CCDC146: variants seen among roughly 807,000 people sequenced by gnomAD.
The protein encoded by CCDC146 is coiled-coil domain containing 146.
Under a neutral mutation model 119.3 loss-of-function variants are expected in CCDC146, and 92 were observed. The observed-to-expected ratio is 0.77, with a 90% CI of 0.65 to 0.92. The LOEUF is 0.92. CCDC146 is among the 40% of genes least tolerant of loss of function. The pLI, the probability that CCDC146 is intolerant of heterozygous loss-of-function variation, is 0.00. For missense variants in CCDC146, 1,000 were observed against 1,103.0 expected (o/e 0.91, Z 1.32); for synonymous variants, 372 against 371.8 (o/e 1.00, Z -0.01).
intron 2 of CCDC146, among the ~76,000 whole-genome samples, chr7:77,202,408 C>G (rs751863170): frequency 2.0e-5 from 3 of 152,198 alleles, no homozygotes; most frequent in African/African-American, 7.2e-5. Flanking sequence ...CAGAAATGTG[C>G]GTGTCAAGCA....
intron 1 of CCDC146, among the ~76,000 whole-genome samples, chr7:77,137,349 T>C (rs1438048689): frequency 6.8e-6 from 1 of 146,356 alleles, no homozygotes; most frequent in African/African-American, 2.5e-5. Context: ...GATTGTCATG[T>C]AGAAAAAGAA....
chr7:77,292,276 A>G (rs1478148912), intron 17 of CCDC146, among the ~76,000 whole-genome samples: 1 of 150,814 alleles, frequency 6.6e-6, no homozygotes, highest in Non-Finnish European at 1.5e-5. Flanking sequence ...TGTGAGCAAC[A>G]GAACAAGACC....
chr7:77,263,333 A>T (rs1376158686), intron 9 of CCDC146, among the ~76,000 whole-genome samples: 2 of 152,218 alleles, frequency 1.3e-5, no homozygotes, highest in East Asian at 3.9e-4. Context: ...CTCCTGTGGT[A>T]ATTGTGGAAG....
At chr7:77,263,431 G>A (rs1285522244) in intron 9 of CCDC146, among the ~76,000 whole-genome samples, 2 of 152,144 alleles carry the variant, frequency 1.3e-5, no homozygotes, top group African/African-American at 4.8e-5. Context: ...ATTGCCCACC[G>A]GCTTTGTAGG....
intron 2 of CCDC146, among the ~76,000 whole-genome samples, chr7:77,236,185 G>A (rs547406090): frequency 7.6e-4 from 115 of 152,236 alleles, no homozygotes; most frequent in African/African-American, 2.7e-3. Flanking sequence ...TAATACAAAT[G>A]CTCATTGCAT....
intron 18 of CCDC146, 98 bp downstream of exon 18, chr7:77,293,298 A>C: frequency 8.0e-7 from 1 of 1,252,102 alleles, no homozygotes; most frequent in Non-Finnish European, 1.1e-6. Context: ...AAATTTCCCC[A>C]CTCTACCACA....
chr7:77,293,169 T>G lies in CCDC146; in HGVS notation c.2633T>G (p.Met878Arg), dbSNP rs780741373. The G allele has an allele frequency of 2.5e-6, 4 of 1,613,984 alleles. No homozygotes were observed. The highest frequency in any genetic ancestry group is 2.2e-5 in the East Asian group (1 of 44,900). The change falls in exon 18 of 19, where the codon ATG (methionine) becomes AGG (arginine). Residue 878 changes from methionine (M) to arginine (R), a missense_variant. By Grantham distance (91) the Met-to-Arg change is moderately conservative. Transcript: ENST00000285871. ...EWLKVLRDEE[M>R]HALAIAEKSQ... Reference sequence around the variant, plus strand: ...TTGAAAGTCCTTCGAGATGAAGAAATGCACGCCTTGGCCATCGCTGAAAAG... The same window carrying G: ...TTGAAAGTCCTTCGAGATGAAGAAAGGCACGCCTTGGCCATCGCTGAAAAG...
At chr7:77,199,624 TA>T (rs769116960) in intron 2 of CCDC146, 2 of 1,613,846 alleles carry the variant, frequency 1.2e-6, no homozygotes, top group African/African-American at 2.7e-5. Context: ...GCTTACCTGG[TA>T]GGGGCACTCC....
chr7:77,266,820 G>A (rs1411912192), intron 9 of CCDC146, among the ~76,000 whole-genome samples: 1 of 152,038 alleles, frequency 6.6e-6, no homozygotes, highest in Non-Finnish European at 1.5e-5. Context: ...ACACATTCAT[G>A]TGTCACTCAC....
chr7:77,273,024 T>C (rs1277985363), intron 9 of CCDC146, among the ~76,000 whole-genome samples: 3 of 152,240 alleles, frequency 2.0e-5, no homozygotes, highest in African/African-American at 7.2e-5. Flanking sequence ...TCACATTTTA[T>C]AATAACTATA....
At chr7:77,252,555 T>C (rs1387493727) in intron 4 of CCDC146, among the ~76,000 whole-genome samples, 1 of 152,196 alleles carries the variant, frequency 6.6e-6, no homozygotes, top group Non-Finnish European at 1.5e-5. Flanking sequence ...GAGTTTTAAT[T>C]TGATGGGCCT....
At chr7:77,243,599 T>G (rs951623881) in intron 4 of CCDC146, among the ~76,000 whole-genome samples, 1 of 152,210 alleles carries the variant, frequency 6.6e-6, no homozygotes, top group Non-Finnish European at 1.5e-5. Context: ...AACATTATAA[T>G]GAAGCTGAAA....
chr7:77,263,333 A>G (rs1376158686), intron 9 of CCDC146, among the ~76,000 whole-genome samples: 1 of 152,100 alleles, frequency 6.6e-6, no homozygotes, highest in Non-Finnish European at 1.5e-5. Flanking sequence ...CTCCTGTGGT[A>G]ATTGTGGAAG....
At position 77,256,463 on chromosome 7, in the gene CCDC146, A is replaced by T. The variant is rs767393095; in HGVS notation, c.638A>T (p.Glu213Val). Residue 213 changes from glutamate (E) to valine (V), a missense_variant, in exon 6 of 19, where the codon GAG becomes GTG. Around this residue, in one of 2 missense-constraint regions of CCDC146, gnomAD observed 985 missense variants for 1,045.3 expected, o/e 0.94. Transcript: ENST00000285871. Reference sequence around the variant, plus strand: ...TCTAAACAAAAGCAATTATTAAAAGAGCAGAAGGAACTAGAAGAATTGTTG... The same window carrying T: ...TCTAAACAAAAGCAATTATTAAAAGTGCAGAAGGAACTAGAAGAATTGTTG... ...LASKQKQLLK[E>V]QKELEELLGH... 1.0e-5 allele frequency: 16 copies of T among 1,607,214 alleles called. No individual in the cohort carries two copies. The highest frequency in any genetic ancestry group is 1.4e-5 in the Non-Finnish European group (16 of 1,178,318).
At chr7:77,175,856 T>C (rs542760398) in intron 2 of CCDC146, among the ~76,000 whole-genome samples, 1 of 151,330 alleles carries the variant, frequency 6.6e-6, no homozygotes, top group South Asian at 2.1e-4. Flanking sequence ...ACCATGAGAA[T>C]TTATGGACAT....
At position 77,287,545 on chromosome 7, in the gene CCDC146, T is replaced by C; in HGVS notation, c.2383T>C (p.Cys795Arg). 1 of 1,613,918 alleles carries C rather than the reference T, an allele frequency of 6.2e-7. No homozygotes were observed. The highest frequency in any genetic ancestry group is 8.5e-7 in the Non-Finnish European group (1 of 1,180,000). The change falls in exon 17 of 19, where the codon TGC becomes CGC. Residue 795 changes from cysteine to arginine, a missense_variant. Physicochemically the swap from Cys to Arg is radical, Grantham distance 180. Transcript: ENST00000285871. ...TDRLCSKTQG[C>R]KQDTLLLAKK... ...CAGGCTCTGCAGCAAAACTCAGGGCTGCAAGCAGGACACACTGCTCTTAGC... is the reference window on the plus strand; with the variant it reads ...CAGGCTCTGCAGCAAAACTCAGGGCCGCAAGCAGGACACACTGCTCTTAGC...
In CCDC146 at chr7:77,286,923, C is replaced by A; in HGVS notation, c.2274C>A (p.Asp758Glu). Reference protein sequence around the residue: ...LTEKEMIQKLDKLELQLAKKE... With the variant: ...LTEKEMIQKLEKLELQLAKKE... The stretch of plus-strand genomic sequence containing the variant: ...AAAAAGAAATGATCCAAAAATTAGA[C>A]AAGGTAAACATTATTGCTTAAAATT... Residue 758 changes from aspartate (D) to glutamate (E), a missense_variant, in exon 16 of 19, where the codon GAC (aspartate) becomes GAA (glutamate). By Grantham distance (45) the Asp-to-Glu change is conservative. This residue lies in a region of CCDC146 where 985 missense variants were observed against 1,045.3 expected (regional missense o/e 0.94). Coordinates refer to ENST00000285871, the MANE Select transcript of CCDC146 (RefSeq NM_020879.3). 1 of 1,614,038 alleles carries A rather than the reference C, an allele frequency of 6.2e-7. No homozygotes were observed. Among genetic ancestry groups the A allele is most frequent in the Non-Finnish European group, 8.5e-7 (1 of 1,179,946 alleles).
At chr7:77,136,946 C>T (rs887988761) in intron 1 of CCDC146, among the ~76,000 whole-genome samples, 9 of 152,104 alleles carry the variant, frequency 5.9e-5, no homozygotes, top group Non-Finnish European at 1.0e-4. Flanking sequence ...GCTGGTTCAA[C>T]ACTCAAAAAT....
chr7:77,162,471 T>C (rs1791277032), intron 1 of CCDC146, among the ~76,000 whole-genome samples: 1 of 152,184 alleles, frequency 6.6e-6, no homozygotes, highest in Non-Finnish European at 1.5e-5. Flanking sequence ...ATTTCTGGGC[T>C]CTCTATTTTG....
Sources: allele counts gnomAD v4.1 joint callset (sites outside exome capture counted in the v4.1 genomes callset), GRCh38; gene constraint gnomAD v4.1.1; regional missense constraint gnomAD v4.1.1; transcripts MANE v1.5; gene names NCBI Gene and HGNC (gene_info 2026-07-23, HGNC 2026-07-21).